Variants in SH2D3A observed in about 807,000 individuals in gnomAD.
SH2D3A encodes SH2 domain-containing protein 3A.
Under a neutral mutation model 50.6 loss-of-function variants are expected in SH2D3A, and 46 were observed. That is an observed-to-expected ratio of 0.91 (90% confidence interval 0.72 to 1.16). The LOEUF (loss-of-function observed/expected upper bound fraction) is 1.16, where lower values mean the gene tolerates loss of function less well. Among genes scored for constraint, SH2D3A ranks in the 50% most tolerant of loss-of-function variants. SH2D3A has a pLI of 0.00. For synonymous variants in SH2D3A, 377 were observed against 348.4 expected (o/e 1.08, Z -0.91); for missense variants, 783 against 786.2 (o/e 1.00, Z 0.05).
intron 2 of SH2D3A, among the ~76,000 whole-genome samples, chr19:6,761,847 G>T (rs534931764): frequency 3.3e-5 from 5 of 152,018 alleles, no homozygotes; most frequent in African/African-American, 7.2e-5. Context: ...TACTCAGGAG[G>T]CTGAGGTGGG....
chr19:6,763,627 G>A lies in SH2D3A; in HGVS notation c.69+53C>T. On this transcript the variant is annotated intron_variant, in intron 2 of 9. Transcript: ENST00000245908. ...CCAGGGACCCAGGAATCCTCAGCAAGGGTGGGAGAGGCTCCCCACCAGATG... is the reference window on the plus strand; with the variant it reads ...CCAGGGACCCAGGAATCCTCAGCAAAGGTGGGAGAGGCTCCCCACCAGATG... 3 of 1,534,932 alleles carry A rather than the reference G, an allele frequency of 2.0e-6. No homozygotes were observed. The South Asian group carries it at 3.5e-5, about 18-fold the overall frequency.
rs767569299 is a variant in SH2D3A at position 6,753,455 on chromosome 19, C to T, written c.1570+1G>A. 1 of 1,501,694 alleles carries T rather than the reference C, an allele frequency of 6.7e-7. No individual in the cohort carries two copies. Among genetic ancestry groups the T allele is most frequent in the East Asian group, 2.5e-5 (1 of 39,838 alleles). 93.0% of individuals were successfully genotyped at this position (1,501,694 alleles called of 1,614,324 possible). A position where few individuals can be genotyped will look rare whatever the true frequency, so the allele number is the denominator to read the frequency against. ...CAGTCCAGCGCAGAGGGAACGCTCA[C>T]CTCGCAGGCGCTGGGCTGCCACCTT... On this transcript the variant is annotated splice_donor_variant, in intron 9 of 9. Transcript: ENST00000245908. LOFTEE classifies it high-confidence loss of function.
At chr19:6,752,895 G>T in intron 9 of SH2D3A, 142 bp from the exon 10 acceptor site, 5 of 1,409,036 alleles carry the variant, frequency 3.5e-6, no homozygotes, top group Non-Finnish European at 4.6e-6. Context: ...GGGATGACTA[G>T]GCGGGGTCAG....
At chr19:6,759,837 CACA>C (rs1449158021) in intron 3 of SH2D3A, among the ~76,000 whole-genome samples, 167 bp from the exon 4 acceptor site, 4 of 152,306 alleles carry the variant, frequency 2.6e-5, no homozygotes, top group Middle Eastern at 3.4e-3. Flanking sequence ...CTTTAGTTGT[CACA>C]ACTAGTAGCA....
intron 4 of SH2D3A, chr19:6,758,012 T>C (rs1969793081): frequency 6.6e-6 from 1 of 152,164 alleles, no homozygotes; most frequent in Admixed American, 6.6e-5. Context: ...AGTCTCTATC[T>C]CCCTTACTCT....
chr19:6,759,584 A>C lies in SH2D3A; in HGVS notation c.496+10T>G. 1 of 1,613,606 alleles carries C rather than the reference A, an allele frequency of 6.2e-7. No homozygotes were observed. Among genetic ancestry groups the C allele is most frequent in the Non-Finnish European group, 8.5e-7 (1 of 1,179,588 alleles). ...TCCCTGAGCCACAGGCCATTCTAGC[A>C]GACACTTACCCATCCCAGCGGGGTC... On this transcript the variant is annotated intron_variant, in intron 4 of 9. Transcript: ENST00000245908.
intron 4 of SH2D3A, among the ~76,000 whole-genome samples, chr19:6,756,654 T>C (rs1406564635): frequency 6.6e-6 from 1 of 152,200 alleles, no homozygotes; most frequent in South Asian, 2.1e-4. Context: ...TTTGGGAGAC[T>C]GTATTTACCA....
intron 4 of SH2D3A, among the ~76,000 whole-genome samples, chr19:6,756,141 T>TA (rs1431222952): frequency 1.4e-5 from 2 of 148,054 alleles, no homozygotes; most frequent in East Asian, 1.9e-4. Context: ...TCTATAGAGA[T>TA]AGATATATAT....
chr19:6,753,415 G>A (rs1026130055), intron 9 of SH2D3A, 41 bp downstream of exon 9: 3 of 1,431,850 alleles, frequency 2.1e-6, no homozygotes, highest in South Asian at 1.5e-5. Context: ...AACCTGCAGG[G>A]TGCTCTGAAG....
At chr19:6,761,148 C>T (rs550427332) in intron 2 of SH2D3A, 161 bp from the exon 3 acceptor site, 1 of 621,438 alleles carries the variant, frequency 1.6e-6, no homozygotes, top group Non-Finnish European at 2.8e-6. Context: ...GTTCTGTCCC[C>T]CTTTCTCCTG....
chr19:6,754,637 A>G lies in SH2D3A; in HGVS notation c.1076T>C (p.Leu359Ser). ...ELLTLPHGHHLRLELLERHQT... is the reference protein window; with the variant it reads ...ELLTLPHGHHSRLELLERHQT... The stretch of plus-strand genomic sequence containing the variant: ...TCACCTCTCCAGCAGTTCCAACCTC[A>G]AGTGGTGTCCATGGGGAAGAGTGAG... Residue 359 changes from leucine to serine, a missense_variant, in exon 6 of 10, where the codon TTG becomes TCG. Transcript: ENST00000245908. 6 of 1,614,190 alleles carry G rather than the reference A, an allele frequency of 3.7e-6. No homozygotes were observed. Among genetic ancestry groups the G allele is most frequent in the Non-Finnish European group, 5.1e-6 (6 of 1,180,026 alleles).
At position 6,752,601 on chromosome 19, in the gene SH2D3A, C is replaced by G. The variant is rs1969377254; in HGVS notation, c.1723G>C (p.Asp575His). The change falls in exon 10 of 10, where the codon GAC becomes CAC. Residue 575 changes from aspartate to histidine, a missense_variant. Transcript: ENST00000245908. ...GAAGGGTGTCTGCGCTCTCAGCGGT[C>G]AGGCTCCAGGCGCTGCGACAGGACG... ...LGVLSQRLEP[D>H]R 1 of 1,549,932 alleles carries G rather than the reference C, an allele frequency of 6.5e-7. No individual in the cohort carries two copies. Among genetic ancestry groups the G allele is most frequent in the Non-Finnish European group, 8.7e-7 (1 of 1,145,204 alleles).
At position 6,760,759 on chromosome 19, in the gene SH2D3A, G is replaced by A. The variant is rs777064873; in HGVS notation, c.298C>T (p.Arg100Cys). The A allele has an allele frequency of 1.1e-5, 17 of 1,614,068 alleles. No individual in the cohort carries two copies. In the South Asian group the frequency reaches 1.5e-4, roughly 15 times the overall value. The change falls in exon 3 of 10, where the codon CGC (arginine) becomes TGC (cysteine). Residue 100 changes from arginine to cysteine, a missense_variant. Arg to Cys is a radical substitution (Grantham distance 180). Transcript: ENST00000245908. ...GCCCCTGTGGCCTGGGACAGTGGGCGCCTGCCTGTCATATAACTGTGAACC... is the reference window on the plus strand; with the variant it reads ...GCCCCTGTGGCCTGGGACAGTGGGCACCTGCCTGTCATATAACTGTGAACC... ...ALVHSYMTGR[R>C]PLSQATGAVV... is the part of the protein sequence containing the mutation.
chr19:6,760,623 G>A lies in SH2D3A; in HGVS notation c.419+15C>T. 6.5e-7 allele frequency: 1 copy of A among 1,532,072 alleles called. No homozygotes were observed. The highest frequency in any genetic ancestry group is 8.8e-7 in the Non-Finnish European group (1 of 1,137,804). The allele number at this position is 1,532,072 out of a possible 1,614,324, so 94.9% of individuals were successfully genotyped here. A position where few individuals can be genotyped will look rare whatever the true frequency, so the allele number is the denominator to read the frequency against. On this transcript the variant is annotated intron_variant, in intron 3 of 9. Coordinates refer to ENST00000245908, the MANE Select transcript of SH2D3A (RefSeq NM_005490.3). ...GTGTTGGGTGTTCTCAAGGAGGCAGGGAGACTGTGAGTACCTGAGAGGCTC... is the reference window on the plus strand; with the variant it reads ...GTGTTGGGTGTTCTCAAGGAGGCAGAGAGACTGTGAGTACCTGAGAGGCTC...
chr19:6,755,683 C>T (rs1186849142), intron 4 of SH2D3A, among the ~76,000 whole-genome samples: 1 of 151,946 alleles, frequency 6.6e-6, no homozygotes, highest in Non-Finnish European at 1.5e-5. Flanking sequence ...GCCACCTTGC[C>T]TGACCCTATG....
Position 6,759,651 on chromosome 19 carries a change from T to G in SH2D3A, c.439A>C (p.Ser147Arg). The G allele has an allele frequency of 6.2e-7, 1 of 1,613,910 alleles. No homozygotes were observed. The highest frequency in any genetic ancestry group is 8.5e-7 in the Non-Finnish European group (1 of 1,179,874). The stretch of plus-strand genomic sequence containing the variant: ...ATATGTGCCAAATCTGCAGGCTGAC[T>G]GTTGCTCCACTTCCTTGCCCTGGGG... ...EPLRARKWSN[S>R]QPADLAHMGR... The change falls in exon 4 of 10, where the codon AGT (serine) becomes CGT (arginine). Residue 147 changes from serine (S) to arginine (R), a missense_variant. Physicochemically the swap from Ser to Arg is moderately radical, Grantham distance 110. Coordinates refer to ENST00000245908, the MANE Select transcript of SH2D3A (RefSeq NM_005490.3).
In SH2D3A at chr19:6,752,398, T is replaced by C. The variant is rs1317660840; in HGVS notation, c.*195A>G. 2.3e-6 allele frequency: 1 copy of C among 436,448 alleles called. No homozygotes were observed. The highest frequency in any genetic ancestry group is 4.0e-5 in the Admixed American group (1 of 24,984). 27.0% of individuals were successfully genotyped at this position (436,448 alleles called of 1,614,324 possible). Reference sequence around the variant, plus strand: ...AAGAGGTGGAGTCACATTTGAACTCTGGCCTCTGATGCCAGATCTGCAGGT... The same window carrying C: ...AAGAGGTGGAGTCACATTTGAACTCCGGCCTCTGATGCCAGATCTGCAGGT... On this transcript the variant is annotated 3_prime_UTR_variant, in exon 10 of 10. Coordinates refer to ENST00000245908, the MANE Select transcript of SH2D3A (RefSeq NM_005490.3).
chr19:6,757,073 G>A (rs1448279649), intron 4 of SH2D3A, among the ~76,000 whole-genome samples: 5 of 151,796 alleles, frequency 3.3e-5, no homozygotes, highest in Non-Finnish European at 5.9e-5. Flanking sequence ...CACCATGTTG[G>A]CCAGGATGGT....
At position 6,760,673 on chromosome 19, in the gene SH2D3A, G is replaced by T. The variant is rs568486135; in HGVS notation, c.384C>A (p.Thr128=). The part of the protein sequence containing the change: ...GPLRRSFSED[T]LMDGPARIEP... ...CTATCCGAGCTGGGCCATCCATCAG[G>T]GTGTCCTCGCTAAAGCTGCGTCGCA... Residue 128 remains threonine, a synonymous_variant, in exon 3 of 10, where the codon ACC becomes ACA. Transcript: ENST00000245908. 1 of 1,604,778 alleles carries T rather than the reference G, an allele frequency of 6.2e-7. No homozygotes were observed. The highest frequency in any genetic ancestry group is 1.7e-5 in the Admixed American group (1 of 59,414).
Sources: gnomAD v4.1 joint callset for allele counts (sites outside exome capture counted in the v4.1 genomes callset) on GRCh38, gnomAD v4.1.1 for gene constraint, MANE v1.5 for transcripts, NCBI Gene and HGNC (gene_info 2026-07-23, HGNC 2026-07-21) for gene names.